Variants in CDH12 observed in about 807,000 individuals in gnomAD.
CDH12 encodes the protein cadherin 12.
In CDH12, 41 loss-of-function variants were observed where a neutral mutation model predicts 74.1. The observed-to-expected ratio is 0.55, with a 90% CI of 0.43 to 0.72. The LOEUF (loss-of-function observed/expected upper bound fraction) is 0.72. CDH12 is among the 30% of genes least tolerant of loss of function. The pLI is 0.00. For synonymous variants in CDH12, 399 were observed against 355.0 expected (o/e 1.12, Z -1.39); for missense variants, 945 against 977.2 (o/e 0.97, Z 0.44).
intron 1 of CDH12, among the ~76,000 whole-genome samples, chr5:22,770,447 TG>T (rs992978624): frequency 1.3e-5 from 2 of 152,158 alleles, no homozygotes; most frequent in African/African-American, 4.8e-5. Context: ...TTGAGTTTTT[TG>T]GTCCATTACA....
chr5:22,330,424 G>T (rs1426072587), intron 3 of CDH12, among the ~76,000 whole-genome samples: 1 of 152,024 alleles, frequency 6.6e-6, no homozygotes, highest in Non-Finnish European at 1.5e-5. Context: ...AACATTCCCA[G>T]CTGTGGAGGA....
At chr5:22,675,295 G>C (rs564735138) in intron 1 of CDH12, among the ~76,000 whole-genome samples, 2 of 152,314 alleles carry the variant, frequency 1.3e-5, no homozygotes, top group South Asian at 4.1e-4. Context: ...TGTTGCTTCA[G>C]AGGGTGGAAG....
intron 4 of CDH12, among the ~76,000 whole-genome samples, chr5:22,166,560 A>G (rs1427627780): frequency 6.6e-6 from 1 of 152,250 alleles, no homozygotes; most frequent in East Asian, 1.9e-4. Context: ...TAGGTCAATT[A>G]GAATAAATCC....
At chr5:21,957,438 C>T (rs1481425257) in intron 6 of CDH12, among the ~76,000 whole-genome samples, 4 of 151,996 alleles carry the variant, frequency 2.6e-5, no homozygotes, top group Non-Finnish European at 4.4e-5. Context: ...TGCAGTAATG[C>T]GATTGCTGGT....
chr5:22,332,026 A>G (rs1739371551), intron 3 of CDH12, among the ~76,000 whole-genome samples: 1 of 152,210 alleles, frequency 6.6e-6, no homozygotes, highest in Non-Finnish European at 1.5e-5. Flanking sequence ...AATAACTTCA[A>G]AAGGGCAAAT....
At chr5:21,927,777 T>C (rs769013497) in intron 6 of CDH12, among the ~76,000 whole-genome samples, 30 of 151,372 alleles carry the variant, frequency 2.0e-4, no homozygotes, top group Non-Finnish European at 2.8e-4. Flanking sequence ...GTAAGAATGA[T>C]GGTGAAAACA....
chr5:22,228,172 CTTAG>C (rs1324000247), intron 3 of CDH12, among the ~76,000 whole-genome samples: 3 of 151,824 alleles, frequency 2.0e-5, no homozygotes, highest in African/African-American at 7.3e-5. Flanking sequence ...ACTATTAACA[CTTAG>C]TTATTAATAA....
At chr5:22,388,196 G>A (rs1056258705) in intron 3 of CDH12, among the ~76,000 whole-genome samples, 2 of 152,022 alleles carry the variant, frequency 1.3e-5, no homozygotes, top group Non-Finnish European at 2.9e-5. Flanking sequence ...ATGGGATATA[G>A]GATATGTTAT....
chr5:22,691,289 A>G (rs953090281), intron 1 of CDH12, among the ~76,000 whole-genome samples: 1 of 152,166 alleles, frequency 6.6e-6, no homozygotes, highest in Non-Finnish European at 1.5e-5. Context: ...CATGTTAACT[A>G]TGAGCTAGAT....
intron 5 of CDH12, among the ~76,000 whole-genome samples, chr5:21,985,776 A>T (rs1757492067): frequency 6.6e-6 from 1 of 152,134 alleles, no homozygotes; most frequent in Non-Finnish European, 1.5e-5. Flanking sequence ...TTCTGAGCTC[A>T]AGAACATCAT....
intron 3 of CDH12, among the ~76,000 whole-genome samples, chr5:22,215,801 C>T (rs1751783254): frequency 6.6e-6 from 1 of 152,070 alleles, no homozygotes; most frequent in South Asian, 2.1e-4. Flanking sequence ...TCACATGAAT[C>T]CTATCATTTC....
chr5:21,978,568 T>G (rs1757167123), intron 5 of CDH12, among the ~76,000 whole-genome samples: 2 of 152,190 alleles, frequency 1.3e-5, no homozygotes, highest in Admixed American at 1.3e-4. Context: ...TATCTATATA[T>G]ATACACACTA....
At chr5:21,884,797 T>A (rs1314531304) in intron 6 of CDH12, among the ~76,000 whole-genome samples, 1 of 152,200 alleles carries the variant, frequency 6.6e-6, no homozygotes. Context: ...TAGACAACAT[T>A]CTGTGTTTTC....
intron 2 of CDH12, among the ~76,000 whole-genome samples, chr5:22,446,030 C>G (rs1184610561): frequency 6.6e-6 from 1 of 152,112 alleles, no homozygotes; most frequent in Non-Finnish European, 1.5e-5. Context: ...CTGAAAAACA[C>G]TCACTCACTC....
At chr5:22,844,781 G>A (rs1197262592) in intron 1 of CDH12, among the ~76,000 whole-genome samples, 1 of 152,038 alleles carries the variant, frequency 6.6e-6, no homozygotes, top group Non-Finnish European at 1.5e-5. Context: ...TCAAATTAAG[G>A]CAGTGCAGTT....
chr5:22,026,399 C>A (rs960906256), intron 5 of CDH12, among the ~76,000 whole-genome samples: 3 of 152,132 alleles, frequency 2.0e-5, no homozygotes, highest in African/African-American at 4.8e-5. Flanking sequence ...TAAAATTTGA[C>A]CAACTGCTAA....
At chr5:22,801,546 G>A (rs1403354303) in intron 1 of CDH12, among the ~76,000 whole-genome samples, 6 of 148,048 alleles carry the variant, frequency 4.1e-5, no homozygotes, top group Non-Finnish European at 7.4e-5. Flanking sequence ...CAATGTTGTC[G>A]ATATAATGCT....
chr5:22,049,848 C>T (rs904724470), intron 5 of CDH12, among the ~76,000 whole-genome samples: 1 of 152,094 alleles, frequency 6.6e-6, no homozygotes, highest in South Asian at 2.1e-4. Context: ...CATAGATTCT[C>T]TTCCTCAAGT....
intron 3 of CDH12, among the ~76,000 whole-genome samples, chr5:22,336,409 G>T (rs1739582698): frequency 6.6e-6 from 1 of 152,204 alleles, no homozygotes; most frequent in Non-Finnish European, 1.5e-5. Context: ...TATCTCCAGG[G>T]CATGTTAGAG....
Sources: gnomAD v4.1 joint callset for allele counts (sites outside exome capture counted in the v4.1 genomes callset) on GRCh38, gnomAD v4.1.1 for gene constraint, MANE v1.5 for transcripts, NCBI Gene and HGNC (gene_info 2026-07-23, HGNC 2026-07-21) for gene names.